The following CCDC157 variants were observed in gnomAD, a reference collection of about 807,000 sequenced individuals.
CCDC157 encodes coiled-coil domain containing 157, also known as coiled-coil domain-containing protein 157.
In CCDC157, 60 loss-of-function variants were observed where a neutral mutation model predicts 70.9. The observed-to-expected ratio is 0.85, with a 90% CI of 0.69 to 1.05. The LOEUF is 1.05. CCDC157 is among the 50% of genes least tolerant of loss of function. The pLI is 0.00. For synonymous variants in CCDC157, 373 were observed against 422.4 expected, an observed-to-expected ratio of 0.88 and a Z score of 1.43; for missense variants, 943 against 984.2, an observed-to-expected ratio of 0.96 and a Z score of 0.56.
At chr22:30,363,731 C>G (rs1420225160) in intron 2 of CCDC157, among the ~76,000 whole-genome samples, 4 of 143,138 alleles carry the variant, frequency 2.8e-5, no homozygotes, top group Non-Finnish European at 6.0e-5. Context: ...CTCTGTCACC[C>G]AGGCTGGAGT....
At position 30,377,758 on chromosome 22, in the gene CCDC157, C is replaced by T; in HGVS notation, c.*1013C>T. The T allele has an allele frequency of 4.5e-6, 1 of 222,464 alleles. No homozygotes were observed. The highest frequency in any genetic ancestry group is 9.4e-6 in the Non-Finnish European group (1 of 106,668). 13.8% of individuals were successfully genotyped at this position (222,464 alleles called of 1,614,324 possible). ...CCCGGGCACCCCCCTCACAGGGGAG[C>T]ACCATCCCTCAGCACCCTGAGCCAG... is the stretch of plus-strand genomic sequence containing the variant. On this transcript the variant is annotated 3_prime_UTR_variant, in exon 12 of 12. Transcript: ENST00000338306.
In CCDC157 at chr22:30,376,948, GCCCTCAGTAAAAGGGGCCTTCCTGCTT is replaced by G. The variant is rs1933408464; in HGVS notation, c.*209_*235del. On this transcript the variant is annotated 3_prime_UTR_variant, in exon 12 of 12. Transcript: ENST00000338306. ...AGTCAGCAGAGTCCTGGCACTATGG[GCCCTCAGTAAAAGGGGCCTTCCTGCTT>G]CCCTCCCGACAGAGGCTGTGGGATA... is the stretch of plus-strand genomic sequence containing the variant. 6.6e-6 allele frequency: 4 copies of G among 606,950 alleles called. No homozygotes were observed. In the Admixed American group the frequency reaches 8.9e-5, roughly 13 times the overall value. The allele number at this position is 606,950 out of a possible 1,614,324, so 37.6% of individuals were successfully genotyped here.
In CCDC157 at chr22:30,372,241, G is replaced by A. The variant is rs759630736; in HGVS notation, c.1290G>A (p.Leu430=). ...GQQVCWASTE[L]DKEKARVDSM... ...AGGTCTGCTGGGCCAGCACGGAGCT[G>A]GATAAGGAGAAGGCCCGTGTCGACA... is the stretch of plus-strand genomic sequence containing the variant. Residue 430 remains leucine, a synonymous_variant, in exon 7 of 12, where the codon CTG becomes CTA. Coordinates refer to ENST00000338306, the MANE Select transcript of CCDC157 (RefSeq NM_001017437.5). 10 of 1,598,950 alleles carry A rather than the reference G, an allele frequency of 6.3e-6. No individual in the cohort carries two copies. The highest frequency in any genetic ancestry group is 3.4e-5 in the Admixed American group (2 of 58,248).
intron 3 of CCDC157, chr22:30,367,143 G>A (rs1229485051): frequency 6.6e-6 from 1 of 151,836 alleles, no homozygotes. Context: ...CATTTTGGGA[G>A]GTTAATGGGA....
Position 30,373,657 on chromosome 22 carries a change from G to A in CCDC157, c.1396G>A (p.Glu466Lys), listed in dbSNP as rs866080132. The change falls in exon 8 of 12, where the codon GAG (glutamate) becomes AAG (lysine). Residue 466 changes from glutamate (E) to lysine (K), a missense_variant. By Grantham distance (56) the Glu-to-Lys change is moderately conservative. Transcript: ENST00000338306. ...GCTGGACAGCCTGGACCAGGAACGT[G>A]AGGAGCTGCGGGGCAGCCTGGACGA... The part of the protein sequence containing the change: ...KQLDSLDQER[E>K]ELRGSLDEAE... 6.4e-7 allele frequency: 1 copy of A among 1,558,330 alleles called. No individual in the cohort carries two copies.
chr22:30,369,367 T>G (rs1033853256), intron 3 of CCDC157, 65 bp from the exon 4 acceptor site: 3 of 1,331,082 alleles, frequency 2.3e-6, no homozygotes, highest in African/African-American at 1.5e-5. Context: ...AGAGCTGCGG[T>G]TGTATGGTCT....
Position 30,375,364 on chromosome 22 carries a change from G to A in CCDC157, c.1673-115G>A, listed in dbSNP as rs571642646. 1,292 of 936,534 alleles carry A rather than the reference G, an allele frequency of 1.4e-3. 1 individual carries two copies. The highest frequency in any genetic ancestry group is 3.4e-3 in the Admixed American group (150 of 43,930). 58.0% of individuals were successfully genotyped at this position (936,534 alleles called of 1,614,324 possible). On this transcript the variant is annotated intron_variant, in intron 9 of 11. Coordinates refer to ENST00000338306, the MANE Select transcript of CCDC157 (RefSeq NM_001017437.5). Reference sequence around the variant, plus strand: ...GACAGGGAAGGGGGAATAAGGCCTCGGGAGAAGGAAGATGAGCTAGGAGGC... The same window carrying A: ...GACAGGGAAGGGGGAATAAGGCCTCAGGAGAAGGAAGATGAGCTAGGAGGC...
chr22:30,370,635 A>G lies in CCDC157; in HGVS notation c.730A>G (p.Ser244Gly). 6.2e-7 allele frequency: 1 copy of G among 1,614,100 alleles called. No individual in the cohort carries two copies. The highest frequency in any genetic ancestry group is 8.5e-7 in the Non-Finnish European group (1 of 1,180,040). Residue 244 changes from serine (S) to glycine (G), a missense_variant, in exon 5 of 12, where the codon AGC (serine) becomes GGC (glycine). Transcript: ENST00000338306. ...VGKVVISLCQ[S>G]QNLPSSLGQF... is the part of the protein sequence containing the mutation. ...CAAGGTGGTCATCAGCCTGTGTCAG[A>G]GCCAGAACCTGCCCTCGTCCTTAGG...
At chr22:30,362,820 C>T (rs1446416108) in intron 2 of CCDC157, among the ~76,000 whole-genome samples, 1 of 152,118 alleles carries the variant, frequency 6.6e-6, no homozygotes, top group Non-Finnish European at 1.5e-5. Flanking sequence ...CAGGAAATGC[C>T]TAGTCGAGGG....
rs1247465719 is a variant in CCDC157, at chr22:30,374,232, C to T, written c.1672+141C>T. The T allele has an allele frequency of 1.4e-5, 14 of 986,374 alleles. No individual in the cohort carries two copies. In the East Asian group the frequency reaches 1.6e-4, roughly 11 times the overall value. The allele number at this position is 986,374 out of a possible 1,614,324, so 61.1% of individuals were successfully genotyped here. A position where few individuals can be genotyped will look rare whatever the true frequency, so the allele number is the denominator to read the frequency against. On this transcript the variant is annotated intron_variant, in intron 9 of 11. Coordinates refer to ENST00000338306, the MANE Select transcript of CCDC157 (RefSeq NM_001017437.5). ...AGCCAGGCGGCCAGCAGCGCAGCCC[C>T]TGTGGACCCACCACAGCACGCAAGT...
At chr22:30,372,509 A>G in intron 7 of CCDC157, 1 of 537,900 alleles carries the variant, frequency 1.9e-6, no homozygotes, top group Non-Finnish European at 3.1e-6. Flanking sequence ...CTCACTCTGG[A>G]AGAGCGCCCC....
rs1375864915 is a variant in CCDC157, at chr22:30,366,340, G to T, written c.248+92G>T. 3.9e-6 allele frequency: 6 copies of T among 1,529,274 alleles called. No homozygotes were observed. The East Asian group carries it at 1.4e-4, about 35-fold the overall frequency. 94.7% of individuals were successfully genotyped at this position (1,529,274 alleles called of 1,614,324 possible). A position where few individuals can be genotyped will look rare whatever the true frequency, so the allele number is the denominator to read the frequency against. On this transcript the variant is annotated intron_variant, in intron 3 of 11. Coordinates refer to ENST00000338306, the MANE Select transcript of CCDC157 (RefSeq NM_001017437.5). Reference sequence around the variant, plus strand: ...TACGGAAGCCCCTCCAGAGGCAGGGGTGATGTTGGAACAACAGTCACCATT... The same window carrying T: ...TACGGAAGCCCCTCCAGAGGCAGGGTTGATGTTGGAACAACAGTCACCATT...
At position 30,376,271 on chromosome 22, in the gene CCDC157, G is replaced by T; in HGVS notation, c.1870G>T (p.Asp624Tyr). The change falls in exon 11 of 12, where the codon GAC (aspartate) becomes TAC (tyrosine). Residue 624 changes from aspartate to tyrosine, a missense_variant. Transcript: ENST00000338306. ...QQGGLKLIPQ[D>Y]RLWSPSSKGT... is the part of the protein sequence containing the mutation. ...TTTTTTTTTGTAGCTGATCCCGCAG[G>T]ACCGGCTCTGGTCCCCTTCCAGCAA... 1 of 1,603,970 alleles carries T rather than the reference G, an allele frequency of 6.2e-7. No homozygotes were observed. Among genetic ancestry groups the T allele is most frequent in the African/African-American group, 1.4e-5 (1 of 73,860 alleles).
intron 9 of CCDC157, chr22:30,374,410 T>C: frequency 1.9e-6 from 1 of 536,560 alleles, no homozygotes; most frequent in South Asian, 1.5e-5. Flanking sequence ...CTTGCTCGAC[T>C]TCTGTGTGTC....
Position 30,377,223 on chromosome 22 carries a change from C to T in CCDC157, c.*478C>T, listed in dbSNP as rs937028890. The T allele has an allele frequency of 5.1e-5, 9 of 176,456 alleles. No homozygotes were observed. The highest frequency in any genetic ancestry group is 1.2e-4 in the African/African-American group (5 of 42,602). The allele number at this position is 176,456 out of a possible 1,614,324, so 10.9% of individuals were successfully genotyped here. A position where few individuals can be genotyped will look rare whatever the true frequency, so the allele number is the denominator to read the frequency against. Reference sequence around the variant, plus strand: ...GCCTCCCACCCTGGCTCTGGACCTGCGCTGGGCACATTAAGGACCCAAGAG... The same window carrying T: ...GCCTCCCACCCTGGCTCTGGACCTGTGCTGGGCACATTAAGGACCCAAGAG... On this transcript the variant is annotated 3_prime_UTR_variant, in exon 12 of 12. Coordinates refer to ENST00000338306, the MANE Select transcript of CCDC157 (RefSeq NM_001017437.5).
At chr22:30,371,963 T>A in intron 6 of CCDC157, 112 bp from the exon 7 acceptor site, 1 of 822,792 alleles carries the variant, frequency 1.2e-6, no homozygotes, top group South Asian at 1.8e-5. Flanking sequence ...GAGCCCCATT[T>A]TGTGGCTGAG....
chr22:30,374,904 G>T (rs1006257319), intron 9 of CCDC157: 11 of 18,112 alleles, frequency 6.1e-4, no homozygotes, highest in African/African-American at 7.4e-3. Context: ...TGTCCAAAAC[G>T]GGGGGGCCTT....
intron 10 of CCDC157, chr22:30,375,910 G>T (rs994506830): frequency 1.8e-6 from 1 of 558,306 alleles, no homozygotes; most frequent in South Asian, 2.4e-5. Flanking sequence ...TCGTCAGGCC[G>T]GGTGCGGCGG....
intron 1 of CCDC157, among the ~76,000 whole-genome samples, chr22:30,360,296 G>A (rs1232333626): frequency 6.6e-6 from 1 of 152,126 alleles, no homozygotes; most frequent in Non-Finnish European, 1.5e-5. Flanking sequence ...AAGGTCAGGA[G>A]ATTGAGACCA....
Sources: allele counts gnomAD v4.1 joint callset (sites outside exome capture counted in the v4.1 genomes callset), GRCh38; gene constraint gnomAD v4.1.1; transcripts MANE v1.5; gene names NCBI Gene and HGNC (gene_info 2026-07-23, HGNC 2026-07-21).